Variants in SFI1 observed in about 807,000 individuals in gnomAD.
The protein encoded by SFI1 is SFI1 centrin binding protein.
In SFI1, 195 loss-of-function variants were observed where a neutral mutation model predicts 207.5. That is an observed-to-expected ratio of 0.94 (90% CI 0.84 to 1.06). The LOEUF (loss-of-function observed/expected upper bound fraction) is 1.06, where lower values mean the gene tolerates loss of function less well. Ranked by LOEUF, SFI1 falls within the 50% of genes least tolerant of loss-of-function variation. The probability of loss-of-function intolerance (pLI) is 0.00; values close to 1 mark genes in which losing one functional copy is unlikely to be tolerated. For synonymous variants in SFI1, 630 were observed against 598.9 expected, an observed-to-expected ratio of 1.05 and a Z score of -0.76; for missense variants, 1,634 against 1,588.0, an observed-to-expected ratio of 1.03 and a Z score of -0.49.
rs1237406058 is a variant in SFI1, at chr22:31,561,354, T to C, written c.727T>C (p.Ser243Pro). 1 of 1,614,130 alleles carries C rather than the reference T, an allele frequency of 6.2e-7. No individual in the cohort carries two copies. Among genetic ancestry groups the C allele is most frequent in the Non-Finnish European group, 8.5e-7 (1 of 1,180,006 alleles). ...QVRVSRALHA[S>P]ALKHRALSLQ... ...CCGTGTGAGCCGTGCCCTCCATGCCTCTGCTTTGAAGCACAGGGCCCTGAG... is the reference window on the plus strand; with the variant it reads ...CCGTGTGAGCCGTGCCCTCCATGCCCCTGCTTTGAAGCACAGGGCCCTGAG... The change falls in exon 8 of 33, where the codon TCT (serine) becomes CCT (proline). Residue 243 changes from serine (S) to proline (P), a missense_variant. By Grantham distance (74) the Ser-to-Pro change is moderately conservative. Transcript: ENST00000400288.
intron 2 of SFI1, among the ~76,000 whole-genome samples, chr22:31,514,527 A>C (rs867390956): frequency 6.6e-6 from 1 of 150,908 alleles, no homozygotes; most frequent in South Asian, 2.1e-4. Context: ...AAAAAAAAAA[A>C]AAAATCAACT....
chr22:31,602,914 A>G, intron 17 of SFI1, 129 bp downstream of exon 17: 2 of 1,082,992 alleles, frequency 1.8e-6, no homozygotes, highest in Non-Finnish European at 1.3e-6. Context: ...TAAGTTCTGG[A>G]AGTTCAACCT....
intron 29 of SFI1, chr22:31,616,478 A>T: frequency 2.5e-6 from 1 of 407,054 alleles, no homozygotes. Flanking sequence ...ACAGCTGCTC[A>T]GGCAGTGGAG....
Position 31,525,530 on chromosome 22 carries a change from C to G in SFI1, c.93-3160C>G, listed in dbSNP as rs2057799665. 3.9e-5 allele frequency among the ~76,000 whole-genome samples: 6 copies of G among 152,242 alleles called. 1 individual carries two copies. The South Asian group carries it at 1.2e-3, about 32-fold the overall frequency. ...ATCACTTGAGCCTGGGAGTTCAAGA[C>G]CATCCTGCGCATGTGGCAAAACCCC... is the stretch of plus-strand genomic sequence containing the variant. On this transcript the variant is annotated intron_variant, in intron 2 of 32. Coordinates refer to ENST00000400288, the MANE Select transcript of SFI1 (RefSeq NM_001007467.3).
chr22:31,523,818 C>T (rs1418592956), intron 2 of SFI1, among the ~76,000 whole-genome samples: 1 of 151,986 alleles, frequency 6.6e-6, no homozygotes, highest in Non-Finnish European at 1.5e-5. Context: ...TTTTTTTTTA[C>T]TCCAAATCTT....
chr22:31,565,839 C>G (rs560572578), intron 8 of SFI1, among the ~76,000 whole-genome samples: 1 of 148,358 alleles, frequency 6.7e-6, no homozygotes, highest in East Asian at 1.9e-4. Flanking sequence ...TTTCTTTCTT[C>G]CTTTTTTAAA....
intron 3 of SFI1, chr22:31,530,442 A>G (rs1388398743): frequency 1.2e-5 from 3 of 256,758 alleles, no homozygotes; most frequent in African/African-American, 2.6e-5. Flanking sequence ...GTGAGCAGAC[A>G]TTGGGCCACT....
chr22:31,545,573 TAA>T (rs1491506515), intron 4 of SFI1, among the ~76,000 whole-genome samples: 16 of 146,690 alleles, frequency 1.1e-4, no homozygotes, highest in Admixed American at 3.4e-4. Flanking sequence ...TAATTTAATT[TAA>T]TTTAATTTAA....
intron 2 of SFI1, among the ~76,000 whole-genome samples, chr22:31,514,687 ATT>A (rs1214204289): frequency 6.6e-6 from 1 of 150,898 alleles, no homozygotes; most frequent in Non-Finnish European, 1.5e-5. Context: ...AACAGGTCAT[ATT>A]TGTCTTTGTG....
At chr22:31,583,624 G>A (rs1047686215) in intron 12 of SFI1, among the ~76,000 whole-genome samples, 2 of 152,164 alleles carry the variant, frequency 1.3e-5, no homozygotes, top group African/African-American at 4.8e-5. Flanking sequence ...AAATGTCATT[G>A]TCTTCTGTGG....
chr22:31,612,392 A>ATATATATAT (rs1421688039), intron 24 of SFI1: 1 of 107,418 alleles, frequency 9.3e-6, no homozygotes, highest in African/African-American at 3.8e-5. Flanking sequence ...AAAAAAAAAA[A>ATATATATAT]AAAAAAATAT....
At position 31,613,231 on chromosome 22, in the gene SFI1, G is replaced by A; in HGVS notation, c.2565+15G>A. The A allele has an allele frequency of 6.2e-7, 1 of 1,613,396 alleles. No individual in the cohort carries two copies. Among genetic ancestry groups the A allele is most frequent in the Non-Finnish European group, 8.5e-7 (1 of 1,179,942 alleles). ...TGCAGGCAAAGGTAATTGGGGCTCT[G>A]CATCCTACCATCCCTGCCTCTCCCT... is the stretch of plus-strand genomic sequence containing the variant. On this transcript the variant is annotated intron_variant, in intron 25 of 32. Coordinates refer to ENST00000400288, the MANE Select transcript of SFI1 (RefSeq NM_001007467.3).
chr22:31,526,072 A>AT (rs2057878629), intron 2 of SFI1, among the ~76,000 whole-genome samples: 1 of 152,110 alleles, frequency 6.6e-6, no homozygotes, highest in South Asian at 2.1e-4. Flanking sequence ...TTTTCTGCAA[A>AT]TTGGTAACTG....
At chr22:31,595,514 G>T (rs907626603) in intron 15 of SFI1, among the ~76,000 whole-genome samples, 4 of 152,220 alleles carry the variant, frequency 2.6e-5, no homozygotes, top group Admixed American at 2.0e-4. Context: ...CACATCTCCA[G>T]TTCCAAAGTC....
intron 14 of SFI1, among the ~76,000 whole-genome samples, chr22:31,586,577 C>A (rs2065053163): frequency 6.6e-6 from 1 of 152,214 alleles, no homozygotes; most frequent in Non-Finnish European, 1.5e-5. Flanking sequence ...TCACTGCATT[C>A]TTTGACATGC....
rs918909807 is a variant in SFI1, at chr22:31,529,710, G to A, written c.266+847G>A. On this transcript the variant is annotated intron_variant, in intron 3 of 32. Coordinates refer to ENST00000400288, the MANE Select transcript of SFI1 (RefSeq NM_001007467.3). Reference sequence around the variant, plus strand: ...AGTGCAATGAGAGGAGAAGGATGTGGTACCACAGGCAAATACGGCGAGAAC... The same window carrying A: ...AGTGCAATGAGAGGAGAAGGATGTGATACCACAGGCAAATACGGCGAGAAC... Among the ~76,000 whole-genome samples the A allele has an allele frequency of 3.3e-5, 5 of 152,160 alleles. No individual in the cohort carries two copies. In the East Asian group the frequency reaches 5.8e-4, roughly 18 times the overall value.
chr22:31,570,122 C>CAATAAATAAATAAATA (rs59801672), intron 8 of SFI1, among the ~76,000 whole-genome samples: 5 of 146,710 alleles, frequency 3.4e-5, no homozygotes, highest in African/African-American at 1.0e-4. Context: ...GAGACTCTGT[C>CAATAAATAAATAAATA]AATAAATAAA....
intron 4 of SFI1, among the ~76,000 whole-genome samples, chr22:31,542,283 ATG>A (rs375260208): frequency 0.014 from 2,053 of 150,990 alleles, 33 homozygotes; most frequent in Middle Eastern, 0.041. Context: ...ATGTACACAA[ATG>A]TGTGTGTGTG....
chr22:31,556,477 C>T (rs1017698424), intron 6 of SFI1, among the ~76,000 whole-genome samples: 2 of 152,144 alleles, frequency 1.3e-5, no homozygotes, highest in Admixed American at 6.6e-5. Context: ...CCATCTCGGC[C>T]TTCCAAAGTG....
Sources: gnomAD v4.1 joint callset for allele counts (sites outside exome capture counted in the v4.1 genomes callset) on GRCh38, gnomAD v4.1.1 for gene constraint, MANE v1.5 for transcripts, NCBI Gene and HGNC (gene_info 2026-07-23, HGNC 2026-07-21) for gene names.